Variants in ADAM10 observed in about 807,000 individuals in gnomAD.
ADAM10 encodes ADAM metallopeptidase domain 10.
ADAM10 carries 17 observed loss-of-function variants against 90.1 expected under a neutral mutation model. The ratio of observed to expected loss-of-function variants is 0.19; its 90% CI spans 0.13 to 0.28. The LOEUF is 0.28. Among genes scored for constraint, ADAM10 ranks in the 10% least tolerant of loss-of-function variants. The pLI, the probability that ADAM10 is intolerant of heterozygous loss-of-function variation, is 1.00. For missense variants in ADAM10, 610 were observed against 914.3 expected (o/e 0.67, Z 4.29); for synonymous variants, 310 against 298.6 (o/e 1.04, Z -0.40).
chr15:58,603,130 T>C (rs971596965), intron 14 of ADAM10, among the ~76,000 whole-genome samples: 48 of 152,174 alleles, frequency 3.2e-4, no homozygotes, highest in African/African-American at 1.1e-3. Context: ...TCTATAAAAA[T>C]TGTGTTCAGA....
chr15:58,727,915 C>G (rs779360855), intron 1 of ADAM10, among the ~76,000 whole-genome samples: 20 of 151,960 alleles, frequency 1.3e-4, no homozygotes, highest in Non-Finnish European at 2.2e-4. Flanking sequence ...GTTGATAGAA[C>G]AGAAAAAAGC....
At chr15:58,714,727 A>T (rs1898599364) in intron 2 of ADAM10, among the ~76,000 whole-genome samples, 1 of 152,016 alleles carries the variant, frequency 6.6e-6, no homozygotes, top group Non-Finnish European at 1.5e-5. Context: ...AAATACAAAA[A>T]ATAAAAATTT....
intron 8 of ADAM10, 75 bp downstream of exon 8, chr15:58,640,702 G>A (rs1436532993): frequency 7.1e-7 from 1 of 1,416,664 alleles, no homozygotes; most frequent in Non-Finnish European, 9.8e-7. Context: ...CCTATACTTT[G>A]AAAATTCAAC....
At chr15:58,645,658 G>A (rs776550047) in intron 6 of ADAM10, among the ~76,000 whole-genome samples, 5 of 152,020 alleles carry the variant, frequency 3.3e-5, no homozygotes, top group Non-Finnish European at 7.4e-5. Context: ...CTTTAATGAG[G>A]GTTGAGAAGA....
chr15:58,712,566 TC>T (rs1333051293), intron 2 of ADAM10, among the ~76,000 whole-genome samples: 2 of 148,496 alleles, frequency 1.3e-5, no homozygotes, highest in East Asian at 3.9e-4. Context: ...ACACCTGTAA[TC>T]CCAGCACTTT....
At chr15:58,721,344 C>T (rs1898845098) in intron 1 of ADAM10, among the ~76,000 whole-genome samples, 1 of 152,096 alleles carries the variant, frequency 6.6e-6, no homozygotes, top group African/African-American at 2.4e-5. Flanking sequence ...TTACCAAGTC[C>T]ATCTCATTAT....
chr15:58,729,937 A>G (rs1899170743), intron 1 of ADAM10, among the ~76,000 whole-genome samples: 1 of 150,778 alleles, frequency 6.6e-6, no homozygotes, highest in Non-Finnish European at 1.5e-5. Context: ...ACTCCAGCGT[A>G]AGCAACAGAA....
chr15:58,688,498 CAAAG>C (rs1897672087), intron 2 of ADAM10, among the ~76,000 whole-genome samples: 1 of 150,388 alleles, frequency 6.6e-6, no homozygotes, highest in Non-Finnish European at 1.5e-5. Flanking sequence ...AGAAATGTGA[CAAAG>C]AAGAAGAAAA....
intron 2 of ADAM10, chr15:58,692,520 A>G: frequency 1.9e-6 from 1 of 521,188 alleles, no homozygotes. Context: ...CTTCCTCATC[A>G]TCACTGATTT....
intron 12 of ADAM10, 94 bp downstream of exon 12, chr15:58,611,710 GATTA>G (rs1418959258): frequency 4.5e-5 from 53 of 1,183,164 alleles, no homozygotes; most frequent in Admixed American, 2.4e-4. Flanking sequence ...CAGAGACCAA[GATTA>G]ATTACTTTAA....
chr15:58,722,650 T>C (rs925733512), intron 1 of ADAM10, among the ~76,000 whole-genome samples: 3 of 151,646 alleles, frequency 2.0e-5, no homozygotes, highest in Non-Finnish European at 4.4e-5. Context: ...ATTATGTTTG[T>C]AGCTTGAAAT....
rs1894985022 is a variant in ADAM10, at chr15:58,597,375, A to T, written c.*172T>A. ...CTCCCACCCCCAAATTGGAATTTTC[A>T]GGCTTTAAAATTTAAGTAATTCCAC... is the stretch of plus-strand genomic sequence containing the variant. On this transcript the variant is annotated 3_prime_UTR_variant, in exon 16 of 16. Transcript: ENST00000260408. 2.6e-6 allele frequency: 4 copies of T among 1,543,878 alleles called. No homozygotes were observed. The highest frequency in any genetic ancestry group is 3.5e-6 in the Non-Finnish European group (4 of 1,143,690).
At chr15:58,655,708 ATAGTATAT>A (rs1403633805) in intron 5 of ADAM10, among the ~76,000 whole-genome samples, 2 of 67,404 alleles carry the variant, frequency 3.0e-5, no homozygotes, top group Non-Finnish European at 2.7e-5. Flanking sequence ...ATATATATAT[ATAGTATAT>A]ATATATATAT....
At chr15:58,716,668 G>A (rs1396070000) in intron 2 of ADAM10, among the ~76,000 whole-genome samples, 3 of 152,134 alleles carry the variant, frequency 2.0e-5, no homozygotes, top group Non-Finnish European at 4.4e-5. Flanking sequence ...AGATCAATAA[G>A]CTGACATGAA....
At chr15:58,674,421 T>C (rs1173163453) in intron 4 of ADAM10, among the ~76,000 whole-genome samples, 3 of 152,220 alleles carry the variant, frequency 2.0e-5, no homozygotes, top group African/African-American at 4.8e-5. Flanking sequence ...ACTTTTCCAG[T>C]TGGCTACATA....
intron 11 of ADAM10, among the ~76,000 whole-genome samples, chr15:58,613,816 A>G (rs1301847341): frequency 6.6e-6 from 1 of 152,160 alleles, no homozygotes; most frequent in African/African-American, 2.4e-5. Flanking sequence ...AAATTTTCAT[A>G]TTATAAGAGC....
At position 58,647,248 on chromosome 15, in the gene ADAM10, ATTTTTTTTTTTTTTTT is replaced by A. The variant is rs67378373; in HGVS notation, c.586-1060_586-1045del. Among the ~76,000 whole-genome samples, 51 of 59,602 alleles carry A rather than the reference ATTTTTTTTTTTTTTTT, an allele frequency of 8.6e-4. 2 individuals carry two copies. Among genetic ancestry groups the A allele is most frequent in the Non-Finnish European group, 8.6e-4 (24 of 27,854 alleles). The allele number at this position is 59,602 out of a possible 152,430, so 39.1% of individuals were successfully genotyped here. A position where few individuals can be genotyped will look rare whatever the true frequency, so the allele number is the denominator to read the frequency against. On this transcript the variant is annotated intron_variant, in intron 5 of 15. Transcript: ENST00000260408. ...TGGCAGCAAAGAGTAGACACTAAGT[ATTTTTTTTTTTTTTTT>A]TTTTTTTTTTTTTTGAGACAGAGTC... is the stretch of plus-strand genomic sequence containing the variant.
At chr15:58,630,943 T>A (rs12708455) in intron 9 of ADAM10, among the ~76,000 whole-genome samples, 3 of 152,084 alleles carry the variant, frequency 2.0e-5, no homozygotes, top group African/African-American at 7.2e-5. Context: ...CCCTCATCAA[T>A]AGATTAATGC....
At chr15:58,646,020 T>C (rs1896538628) in intron 6 of ADAM10, 35 bp downstream of exon 6, 1 of 1,609,634 alleles carries the variant, frequency 6.2e-7, no homozygotes, top group Non-Finnish European at 8.5e-7. Flanking sequence ...TAAAACAATA[T>C]GGGAACTACT....
Sources: allele counts gnomAD v4.1 joint callset (sites outside exome capture counted in the v4.1 genomes callset), GRCh38; gene constraint gnomAD v4.1.1; transcripts MANE v1.5; gene names NCBI Gene and HGNC (gene_info 2026-07-23, HGNC 2026-07-21).